The following UST variants were observed in gnomAD, a reference collection of about 807,000 sequenced individuals.
UST encodes the protein chondroitin sulfate 2-O-sulfotransferase.
A neutral mutation model predicts 45.6 loss-of-function variants in UST; 21 were observed. That is an observed-to-expected ratio of 0.46 (90% CI 0.33 to 0.66). UST has a LOEUF of 0.66. UST is among the 30% of genes least tolerant of loss of function. The pLI, the probability that UST is intolerant of heterozygous loss-of-function variation, is 0.02. For missense variants in UST, 463 were observed against 512.4 expected, an observed-to-expected ratio of 0.90 and a Z score of 0.93; for synonymous variants, 215 against 200.6, an observed-to-expected ratio of 1.07 and a Z score of -0.61.
At chr6:149,061,838 C>T (rs1776659505) in intron 7 of UST, among the ~76,000 whole-genome samples, 1 of 152,194 alleles carries the variant, frequency 6.6e-6, no homozygotes, top group Admixed American at 6.5e-5. Context: ...GCACATAGGT[C>T]AAATGGATGT....
chr6:148,794,541 C>T (rs761212654), intron 1 of UST, among the ~76,000 whole-genome samples: 22 of 152,142 alleles, frequency 1.4e-4, no homozygotes, highest in Non-Finnish European at 2.5e-4. Context: ...TATAAGACAA[C>T]CTTTTTTAAA....
intron 1 of UST, among the ~76,000 whole-genome samples, chr6:148,753,967 T>C (rs1276320872): frequency 6.6e-6 from 1 of 152,056 alleles, no homozygotes; most frequent in Non-Finnish European, 1.5e-5. Context: ...ATATCTTCTT[T>C]GGAAAAATGT....
chr6:148,774,835 A>T (rs1357219426), intron 1 of UST, among the ~76,000 whole-genome samples: 1 of 152,208 alleles, frequency 6.6e-6, no homozygotes, highest in Non-Finnish European at 1.5e-5. Context: ...CCTGACCAAC[A>T]TGGTGAAACC....
At chr6:148,753,143 A>G (rs1776021946) in intron 1 of UST, among the ~76,000 whole-genome samples, 1 of 152,222 alleles carries the variant, frequency 6.6e-6, no homozygotes, top group Non-Finnish European at 1.5e-5. Flanking sequence ...TTGTTGAGAT[A>G]TAATTCATAT....
At chr6:148,985,707 T>A (rs1781226500) in intron 5 of UST, among the ~76,000 whole-genome samples, 1 of 152,118 alleles carries the variant, frequency 6.6e-6, no homozygotes. Context: ...TGCAGAGGTA[T>A]GCGTGGGATT....
At chr6:148,922,678 T>G (rs1018446518) in intron 2 of UST, among the ~76,000 whole-genome samples, 21 of 151,554 alleles carry the variant, frequency 1.4e-4, no homozygotes, top group Admixed American at 2.0e-4. Context: ...TTTCACTGTG[T>G]TAGCCAGGAT....
At chr6:148,809,787 G>A (rs1232087434) in intron 1 of UST, among the ~76,000 whole-genome samples, 1 of 152,192 alleles carries the variant, frequency 6.6e-6, no homozygotes, top group East Asian at 1.9e-4. Flanking sequence ...TTCATCCAAA[G>A]CCACAGTTTA....
intron 1 of UST, among the ~76,000 whole-genome samples, chr6:148,871,812 C>G (rs1778564638): frequency 1.3e-5 from 2 of 152,128 alleles, no homozygotes; most frequent in Non-Finnish European, 2.9e-5. Flanking sequence ...GGAGAGTAAG[C>G]TAGGTAAGCA....
At position 149,066,976 on chromosome 6, in the gene UST, C is replaced by T. The variant is rs370096792; in HGVS notation, c.938-6857C>T. Reference sequence around the variant, plus strand: ...GGAGAAAATCACAGGAGAGTGGTTACCTCATAACCCAGGGAGGTCCAGCTT... The same window carrying T: ...GGAGAAAATCACAGGAGAGTGGTTATCTCATAACCCAGGGAGGTCCAGCTT... On this transcript the variant is annotated intron_variant, in intron 7 of 7. Transcript: ENST00000367463. Among the ~76,000 whole-genome samples, 184 of 152,132 alleles carry T rather than the reference C, an allele frequency of 1.2e-3. 9 individuals carry two copies. In the South Asian group the frequency reaches 0.031, roughly 26 times the overall value.
intron 7 of UST, among the ~76,000 whole-genome samples, chr6:149,061,203 A>G (rs1056923796): frequency 6.6e-6 from 1 of 152,148 alleles, no homozygotes; most frequent in Non-Finnish European, 1.5e-5. Context: ...CAGATTGTTT[A>G]TTCTGGCCCA....
At chr6:148,791,891 C>T (rs577339396) in intron 1 of UST, among the ~76,000 whole-genome samples, 6 of 152,266 alleles carry the variant, frequency 3.9e-5, no homozygotes, top group South Asian at 2.1e-4. Flanking sequence ...TCAGGACCAA[C>T]GCGTCAATCA....
chr6:148,824,691 T>TA (rs1554218949), intron 1 of UST, among the ~76,000 whole-genome samples: 6 of 149,454 alleles, frequency 4.0e-5, no homozygotes, highest in East Asian at 2.0e-4. Flanking sequence ...TTTTTTTTTT[T>TA]ATTATACTCT....
chr6:148,816,158 G>T (rs1372281678), intron 1 of UST, among the ~76,000 whole-genome samples: 1 of 152,198 alleles, frequency 6.6e-6, no homozygotes, highest in Non-Finnish European at 1.5e-5. Context: ...ACTGGGATTT[G>T]CACACTTGAG....
intron 1 of UST, among the ~76,000 whole-genome samples, chr6:148,836,091 C>T (rs1274707969): frequency 1.3e-5 from 2 of 152,052 alleles, no homozygotes; most frequent in Non-Finnish European, 2.9e-5. Context: ...AATCAGAGTT[C>T]ATCGTGTTTT....
At chr6:148,757,406 A>G (rs924288839) in intron 1 of UST, among the ~76,000 whole-genome samples, 1 of 152,232 alleles carries the variant, frequency 6.6e-6, no homozygotes, top group African/African-American at 2.4e-5. Context: ...TTTAGGTAGC[A>G]ATTTGTGTTA....
At chr6:149,002,361 A>C in intron 5 of UST, among the ~76,000 whole-genome samples, 2 of 152,302 alleles carry the variant, frequency 1.3e-5, no homozygotes. Flanking sequence ...GTAAATGATT[A>C]AATTAATTTA....
In UST at chr6:148,964,544, G is replaced by A. The variant is rs777365803; in HGVS notation, c.662G>A (p.Arg221Lys). ...QNHMIRTPSM[R>K]QEERYLDINE... ...CACATGATCCGCACCCCCAGCATGA[G>A]GCAGGAGGAGCGCTACCTGGTAAGT... is the stretch of plus-strand genomic sequence containing the variant. The change falls in exon 5 of 8, where the codon AGG becomes AAG. Residue 221 changes from arginine (R) to lysine (K), a missense_variant. By Grantham distance (26) the Arg-to-Lys change is conservative. This residue lies in a region of UST where 287 missense variants were observed against 374.2 expected (regional missense o/e 0.77). Coordinates refer to ENST00000367463, the MANE Select transcript of UST (RefSeq NM_005715.3). The A allele has an allele frequency of 3.3e-5, 53 of 1,613,752 alleles. No homozygotes were observed. The Middle Eastern group carries it at 6.9e-4, about 21-fold the overall frequency.
intron 1 of UST, among the ~76,000 whole-genome samples, chr6:148,836,317 G>A (rs998057112): frequency 1.3e-5 from 2 of 152,102 alleles, no homozygotes; most frequent in African/African-American, 2.4e-5. Context: ...ACTTGGCAGC[G>A]TTTCATCATT....
intron 5 of UST, among the ~76,000 whole-genome samples, chr6:148,997,584 T>C (rs977581523): frequency 1.3e-5 from 2 of 152,244 alleles, no homozygotes; most frequent in Admixed American, 6.5e-5. Flanking sequence ...TTAGGATATA[T>C]ACATTTAGTG....
Sources: gnomAD v4.1 joint callset for allele counts (sites outside exome capture counted in the v4.1 genomes callset) on GRCh38, gnomAD v4.1.1 for gene constraint, gnomAD v4.1.1 regional missense constraint, MANE v1.5 for transcripts, NCBI Gene and HGNC (gene_info 2026-07-23, HGNC 2026-07-21) for gene names.